Variants in PALM2AKAP2 observed in about 807,000 individuals in gnomAD.
PALM2AKAP2 encodes the protein PALM2-AKAP2 fusion protein.
In PALM2AKAP2, 37 loss-of-function variants were observed where a neutral mutation model predicts 71.5. That is an observed-to-expected ratio of 0.52 (90% CI 0.40 to 0.68). The LOEUF is 0.68. Among genes scored for constraint, PALM2AKAP2 ranks in the 30% least tolerant of loss-of-function variants. The pLI, the probability that PALM2AKAP2 is intolerant of heterozygous loss-of-function variation, is 0.00. For synonymous variants in PALM2AKAP2, 468 were observed against 478.8 expected (o/e 0.98, Z 0.29); for missense variants, 1,224 against 1,191.8 (o/e 1.03, Z -0.40).
intron 3 of PALM2AKAP2, among the ~76,000 whole-genome samples, chr9:109,892,797 A>T (rs1278167172): frequency 6.6e-6 from 1 of 152,086 alleles, no homozygotes; most frequent in African/African-American, 2.4e-5. Flanking sequence ...TAATAATAAT[A>T]ATAAAGATCA....
intron 1 of PALM2AKAP2, among the ~76,000 whole-genome samples, chr9:109,696,074 T>C (rs1006332175): frequency 6.6e-6 from 1 of 152,198 alleles, no homozygotes; most frequent in Non-Finnish European, 1.5e-5. Context: ...CTCCCAGTTA[T>C]CCTGATTTGA....
At chr9:109,708,830 A>G (rs1828182578) in intron 1 of PALM2AKAP2, among the ~76,000 whole-genome samples, 2 of 152,188 alleles carry the variant, frequency 1.3e-5, no homozygotes, top group South Asian at 2.1e-4. Context: ...TAGCTCATGT[A>G]CTTTGTAAGT....
At chr9:109,892,169 G>T (rs1564197822) in intron 3 of PALM2AKAP2, among the ~76,000 whole-genome samples, 2 of 152,254 alleles carry the variant, frequency 1.3e-5, no homozygotes, top group Admixed American at 6.5e-5. Flanking sequence ...ATACTGGCAG[G>T]GCTGTGCTTT....
chr9:109,863,242 G>A (rs10980096), intron 1 of PALM2AKAP2, among the ~76,000 whole-genome samples: 26,218 of 152,120 alleles, frequency 0.17, 2,423 homozygotes, highest in South Asian at 0.23. Context: ...GGTAGGAGAT[G>A]AAGGAAGGAG....
At chr9:109,905,913 C>T (rs1005798297) in intron 3 of PALM2AKAP2, among the ~76,000 whole-genome samples, 1 of 152,102 alleles carries the variant, frequency 6.6e-6, no homozygotes, top group Non-Finnish European at 1.5e-5. Context: ...TCACTTGAGG[C>T]CAGGAGTTCA....
chr9:110,009,989 C>A (rs991328348), intron 6 of PALM2AKAP2, among the ~76,000 whole-genome samples: 1 of 152,066 alleles, frequency 6.6e-6, no homozygotes, highest in African/African-American at 2.4e-5. Context: ...CAGATGTTGG[C>A]GCTAAGGAAT....
chr9:109,999,549 C>T (rs1390313265), intron 6 of PALM2AKAP2, among the ~76,000 whole-genome samples: 2 of 152,078 alleles, frequency 1.3e-5, no homozygotes, highest in Non-Finnish European at 2.9e-5. Context: ...TTCTTTTCTC[C>T]TTCGGCACTC....
chr9:109,863,216 A>G (rs1170330835), intron 1 of PALM2AKAP2, among the ~76,000 whole-genome samples: 3 of 152,216 alleles, frequency 2.0e-5, no homozygotes, highest in Non-Finnish European at 4.4e-5. Flanking sequence ...CTAATATGGA[A>G]TAGTCTCCAT....
intron 1 of PALM2AKAP2, among the ~76,000 whole-genome samples, chr9:109,806,740 C>G (rs1372306483): frequency 6.6e-6 from 1 of 152,052 alleles, no homozygotes; most frequent in Non-Finnish European, 1.5e-5. Flanking sequence ...AAAAGGAAAG[C>G]CTAGTGTGGC....
intron 1 of PALM2AKAP2, among the ~76,000 whole-genome samples, chr9:109,735,603 G>A (rs530916507): frequency 1.9e-4 from 29 of 152,170 alleles, no homozygotes; most frequent in African/African-American, 7.0e-4. Context: ...TGATTTTTTG[G>A]CTGAAATGTC....
intron 1 of PALM2AKAP2, among the ~76,000 whole-genome samples, chr9:109,764,704 T>C (rs1296962109): frequency 6.6e-6 from 1 of 152,160 alleles, no homozygotes; most frequent in Non-Finnish European, 1.5e-5. Context: ...GAATGATGAA[T>C]GACTGGTGGA....
chr9:109,835,996 T>A (rs1828464149), intron 1 of PALM2AKAP2, among the ~76,000 whole-genome samples: 1 of 152,228 alleles, frequency 6.6e-6, no homozygotes, highest in South Asian at 2.1e-4. Flanking sequence ...CTCTGCAGAC[T>A]TAAATGTCCC....
chr9:110,104,500 G>T (rs1325300278), intron 1 of PALM2AKAP2, among the ~76,000 whole-genome samples: 1 of 152,128 alleles, frequency 6.6e-6, no homozygotes, highest in Admixed American at 6.5e-5. Context: ...GTCTTATCAA[G>T]TTCTGAAGGA....
chr9:110,147,940 C>T (rs1283562241), intron 2 of PALM2AKAP2, among the ~76,000 whole-genome samples: 2 of 152,056 alleles, frequency 1.3e-5, no homozygotes, highest in East Asian at 3.9e-4. Flanking sequence ...CTCTTAGAAA[C>T]TTGAGGTCAG....
intron 6 of PALM2AKAP2, among the ~76,000 whole-genome samples, chr9:109,959,204 G>C (rs146432882): frequency 1.3e-5 from 2 of 152,270 alleles, no homozygotes; most frequent in African/African-American, 4.8e-5. Context: ...TCCTTCTCTT[G>C]TTCTCACTTG....
chr9:109,950,053 G>C (rs2132074607), intron 6 of PALM2AKAP2, among the ~76,000 whole-genome samples: 1 of 152,276 alleles, frequency 6.6e-6, no homozygotes, highest in Non-Finnish European at 1.5e-5. Flanking sequence ...GGGGGGCCAA[G>C]GCAGGAGGAT....
At chr9:109,911,823 A>G (rs774312552) in intron 3 of PALM2AKAP2, among the ~76,000 whole-genome samples, 2 of 150,320 alleles carry the variant, frequency 1.3e-5, no homozygotes, top group African/African-American at 4.9e-5. Context: ...ATATAGTCCT[A>G]TCTCTTAATA....
chr9:110,091,975 T>A (rs1834726095), intron 1 of PALM2AKAP2, among the ~76,000 whole-genome samples: 1 of 152,178 alleles, frequency 6.6e-6, no homozygotes, highest in African/African-American at 2.4e-5. Flanking sequence ...AGCCAAGCCC[T>A]TTTGTAACAA....
intron 6 of PALM2AKAP2, among the ~76,000 whole-genome samples, chr9:109,953,381 T>C (rs1350403759): frequency 6.6e-6 from 1 of 152,234 alleles, no homozygotes; most frequent in Non-Finnish European, 1.5e-5. Context: ...TTGAGGTTAC[T>C]GTCCTTTTAT....
Sources: allele counts gnomAD v4.1 joint callset (sites outside exome capture counted in the v4.1 genomes callset), GRCh38; gene constraint gnomAD v4.1.1; transcripts MANE v1.5; gene names NCBI Gene and HGNC (gene_info 2026-07-23, HGNC 2026-07-21).